Variants in PALM2AKAP2 observed in about 807,000 individuals in gnomAD.
The protein encoded by PALM2AKAP2 is PALM2-AKAP2 fusion protein.
A neutral mutation model predicts 71.5 loss-of-function variants in PALM2AKAP2; 37 were observed. The observed-to-expected ratio is 0.52, with a 90% CI of 0.40 to 0.68. The LOEUF is 0.68. PALM2AKAP2 is among the 30% of genes least tolerant of loss of function. The probability of loss-of-function intolerance (pLI) is 0.00; values close to 1 mark genes in which losing one functional copy is unlikely to be tolerated. For synonymous variants in PALM2AKAP2, 468 were observed against 478.8 expected, an observed-to-expected ratio of 0.98 and a Z score of 0.29; for missense variants, 1,224 against 1,191.8, an observed-to-expected ratio of 1.03 and a Z score of -0.40.
At chr9:110,142,258 T>C (rs1836053024) in intron 2 of PALM2AKAP2, among the ~76,000 whole-genome samples, 1 of 151,952 alleles carries the variant, frequency 6.6e-6, no homozygotes. Context: ...TTGTTTGTTT[T>C]TTGTATTTTT....
intron 6 of PALM2AKAP2, among the ~76,000 whole-genome samples, chr9:109,975,848 C>T (rs552042689): frequency 2.6e-5 from 4 of 152,288 alleles, no homozygotes; most frequent in South Asian, 4.1e-4. Flanking sequence ...TGGGGAACCA[C>T]GGGGCCTGTG....
chr9:110,165,740 C>T (rs755361701), intron 3 of PALM2AKAP2, among the ~76,000 whole-genome samples: 34 of 152,160 alleles, frequency 2.2e-4, no homozygotes, highest in East Asian at 1.9e-4. Context: ...TTATACTTTT[C>T]GTCACTAAAC....
At chr9:109,966,280 G>A (rs933139142) in intron 6 of PALM2AKAP2, among the ~76,000 whole-genome samples, 1 of 152,158 alleles carries the variant, frequency 6.6e-6, no homozygotes, top group Non-Finnish European at 1.5e-5. Flanking sequence ...TAGGATGGTG[G>A]CTGTGCAAAA....
chr9:109,898,717 T>A (rs1195461015), intron 3 of PALM2AKAP2, among the ~76,000 whole-genome samples: 1 of 152,210 alleles, frequency 6.6e-6, no homozygotes, highest in South Asian at 2.1e-4. Context: ...CAAACTCCAC[T>A]GACTCCATTT....
intron 1 of PALM2AKAP2, among the ~76,000 whole-genome samples, chr9:109,747,811 A>T (rs1265671164): frequency 3.9e-5 from 6 of 152,134 alleles, no homozygotes; most frequent in Non-Finnish European, 8.8e-5. Context: ...CTGGGAATAC[A>T]GGTGCTCACC....
chr9:109,753,731 C>T (rs978229412), intron 1 of PALM2AKAP2, among the ~76,000 whole-genome samples: 2 of 152,096 alleles, frequency 1.3e-5, no homozygotes, highest in Non-Finnish European at 2.9e-5. Context: ...GAGATTGTGC[C>T]TATCGTTTAC....
chr9:109,954,514 G>T (rs1023209173), intron 6 of PALM2AKAP2, among the ~76,000 whole-genome samples: 5 of 135,674 alleles, frequency 3.7e-5, no homozygotes, highest in African/African-American at 1.3e-4. Context: ...GTAGTGGGGT[G>T]GGGGGAGGGG....
At chr9:109,787,127 G>C (rs1261194615) in intron 1 of PALM2AKAP2, among the ~76,000 whole-genome samples, 1 of 152,198 alleles carries the variant, frequency 6.6e-6, no homozygotes, top group Non-Finnish European at 1.5e-5. Flanking sequence ...GGATTTTGGT[G>C]TCAGGAAGAC....
At chr9:110,113,536 T>A (rs1362536982) in intron 1 of PALM2AKAP2, among the ~76,000 whole-genome samples, 1 of 151,662 alleles carries the variant, frequency 6.6e-6, no homozygotes, top group African/African-American at 2.4e-5. Context: ...GACTTTTTTT[T>A]TTTTTAGACA....
chr9:110,088,708 T>G (rs866915718), intron 1 of PALM2AKAP2, among the ~76,000 whole-genome samples: 1,083 of 58,820 alleles, frequency 0.018, no homozygotes, highest in Non-Finnish European at 0.026. Flanking sequence ...TACGTGTTTT[T>G]TTTTTTTTTT....
chr9:110,070,018 G>A (rs1834169065), intron 1 of PALM2AKAP2, among the ~76,000 whole-genome samples: 1 of 152,236 alleles, frequency 6.6e-6, no homozygotes, highest in Non-Finnish European at 1.5e-5. Flanking sequence ...AGACCCAGGA[G>A]AGGAAGAGGG....
intron 1 of PALM2AKAP2, chr9:109,847,740 C>CAA (rs58547004): frequency 0.042 from 5,909 of 140,914 alleles, 225 homozygotes; most frequent in African/African-American, 0.1. Context: ...GACTCCATCT[C>CAA]AAAAAAAAAA....
Position 110,156,179 on chromosome 9 carries a change from T to C in PALM2AKAP2, c.2570-140T>C, listed in dbSNP as rs72757009. ...AAGTGCTTTGATCCCTGTAATATAA[T>C]AAAATGGCCTACACTTAACCATCAT... On this transcript the variant is annotated intron_variant, in intron 2 of 3. Coordinates refer to ENST00000374525, the Ensembl canonical transcript of PALM2AKAP2. The C allele has an allele frequency of 2.2e-3, 2,675 of 1,228,628 alleles. 5 individuals are homozygous for C. Among genetic ancestry groups the C allele is most frequent in the Non-Finnish European group, 2.7e-3 (2,515 of 925,426 alleles). The allele number at this position is 1,228,628 out of a possible 1,614,324, so 76.1% of individuals were successfully genotyped here.
chr9:109,708,496 G>C (rs559380655), intron 1 of PALM2AKAP2, among the ~76,000 whole-genome samples: 1 of 152,264 alleles, frequency 6.6e-6, no homozygotes, highest in South Asian at 2.1e-4. Context: ...TAATATTTTT[G>C]GCAGGAAATC....
chr9:109,936,692 A>G (rs956961979), intron 6 of PALM2AKAP2, among the ~76,000 whole-genome samples: 6 of 152,220 alleles, frequency 3.9e-5, no homozygotes, highest in Non-Finnish European at 8.8e-5. Context: ...TGAACCACGC[A>G]GGGTGTTCAC....
chr9:109,762,606 C>G (rs1829072854), intron 1 of PALM2AKAP2, among the ~76,000 whole-genome samples: 1 of 152,154 alleles, frequency 6.6e-6, no homozygotes, highest in African/African-American at 2.4e-5. Flanking sequence ...AATACAGCAG[C>G]CTTTGTGCTT....
chr9:110,155,327 C>T (rs549388937), intron 2 of PALM2AKAP2, among the ~76,000 whole-genome samples: 11 of 152,282 alleles, frequency 7.2e-5, no homozygotes, highest in Admixed American at 2.0e-4. Context: ...AGGTTTTAGC[C>T]GCATCAACCA....
intron 2 of PALM2AKAP2, among the ~76,000 whole-genome samples, chr9:109,878,333 C>T (rs1829763425): frequency 1.3e-5 from 2 of 152,152 alleles, no homozygotes; most frequent in Non-Finnish European, 2.9e-5. Flanking sequence ...GCTGTTTACG[C>T]ATATTGAGGT....
At chr9:109,984,155 T>A (rs1832330055) in intron 6 of PALM2AKAP2, among the ~76,000 whole-genome samples, 1 of 152,192 alleles carries the variant, frequency 6.6e-6, no homozygotes, top group Admixed American at 6.5e-5. Context: ...CCCTATATAT[T>A]TTTAATAATA....
Sources: allele counts gnomAD v4.1 joint callset (sites outside exome capture counted in the v4.1 genomes callset), GRCh38; gene constraint gnomAD v4.1.1; transcripts MANE v1.5; gene names NCBI Gene and HGNC (gene_info 2026-07-23, HGNC 2026-07-21).